The following KIAA0753 variants were observed in gnomAD, a reference collection of about 807,000 sequenced individuals.
KIAA0753 encodes the protein KIAA0753.
In KIAA0753, 114 loss-of-function variants were observed where a neutral mutation model predicts 116.9. The ratio of observed to expected loss-of-function variants is 0.98; its 90% CI spans 0.84 to 1.14. The LOEUF (loss-of-function observed/expected upper bound fraction) is 1.14. Ranked by LOEUF, KIAA0753 falls within the 50% of genes most tolerant of loss-of-function variation. KIAA0753 has a pLI of 0.00. For synonymous variants in KIAA0753, 405 were observed against 413.1 expected, an observed-to-expected ratio of 0.98 and a Z score of 0.24; for missense variants, 1,156 against 1,172.4, an observed-to-expected ratio of 0.99 and a Z score of 0.20.
chr17:6,595,611 G>A (rs971495777), intron 15 of KIAA0753, among the ~76,000 whole-genome samples: 9 of 152,340 alleles, frequency 5.9e-5, no homozygotes, highest in Middle Eastern at 3.4e-3. Flanking sequence ...CTGGATTCTC[G>A]TTCTGGCTCT....
chr17:6,600,774 C>T (rs1597497833), intron 12 of KIAA0753, among the ~76,000 whole-genome samples: 1 of 152,124 alleles, frequency 6.6e-6, no homozygotes, highest in Non-Finnish European at 1.5e-5. Flanking sequence ...AAAAAAATAA[C>T]GGTTGTCATT....
At chr17:6,599,341 A>C in intron 13 of KIAA0753, 21 bp from the exon 14 acceptor site, 1 of 1,495,106 alleles carries the variant, frequency 6.7e-7, no homozygotes, top group Non-Finnish European at 9.3e-7. Context: ...AGACAAATAC[A>C]TTCATGGAGT....
At chr17:6,618,063 C>G (rs1348427844) in intron 7 of KIAA0753, among the ~76,000 whole-genome samples, 1 of 151,924 alleles carries the variant, frequency 6.6e-6, no homozygotes, top group Non-Finnish European at 1.5e-5. Context: ...GATCACGCCA[C>G]TGAACTCCAG....
intron 2 of KIAA0753, among the ~76,000 whole-genome samples, chr17:6,634,587 T>C (rs971590146): frequency 6.6e-6 from 1 of 152,106 alleles, no homozygotes; most frequent in Non-Finnish European, 1.5e-5. Flanking sequence ...CTAGGTGAGG[T>C]GTTCATTGTA....
chr17:6,584,985 GAGA>G (rs1053998607), intron 18 of KIAA0753, among the ~76,000 whole-genome samples: 6 of 152,020 alleles, frequency 3.9e-5, no homozygotes, highest in African/African-American at 1.2e-4. Flanking sequence ...GTTTTTTGTA[GAGA>G]AGAAGTCTCA....
At chr17:6,608,207 T>C (rs1970312302) in intron 10 of KIAA0753, 141 bp downstream of exon 10, 2 of 406,090 alleles carry the variant, frequency 4.9e-6, no homozygotes, top group East Asian at 3.8e-5. Flanking sequence ...CTACATTTTA[T>C]GTATTTATTC....
At chr17:6,596,369 G>C (rs1165779988) in intron 14 of KIAA0753, 26 bp from the exon 15 acceptor site, 2 of 1,162,712 alleles carry the variant, frequency 1.7e-6, no homozygotes, top group Non-Finnish European at 2.4e-6. Context: ...GGGTGGGGAG[G>C]AGAGGCATGG....
intron 2 of KIAA0753, among the ~76,000 whole-genome samples, chr17:6,628,969 A>C (rs1391742805): frequency 1.3e-5 from 2 of 152,186 alleles, no homozygotes; most frequent in African/African-American, 4.8e-5. Context: ...CCTTCTGTTT[A>C]CTAATGTCAT....
rs1313223464 is a variant in KIAA0753 at position 6,599,265 on chromosome 17, T to C, written c.2144A>G (p.Asn715Ser). 1 of 1,613,952 alleles carries C rather than the reference T, an allele frequency of 6.2e-7. No individual in the cohort carries two copies. The highest frequency in any genetic ancestry group is 8.5e-7 in the Non-Finnish European group (1 of 1,179,842). The change falls in exon 14 of 19, where the codon AAC (asparagine) becomes AGC (serine). Residue 715 changes from asparagine (N) to serine (S), a missense_variant. Coordinates refer to ENST00000361413, the MANE Select transcript of KIAA0753 (RefSeq NM_014804.3). ...CTGTGCAGGCTGGGCTTTCGCTGTGTTTACTGACGAGCCATCTTTCAAATG... is the reference window on the plus strand; with the variant it reads ...CTGTGCAGGCTGGGCTTTCGCTGTGCTTACTGACGAGCCATCTTTCAAATG... ...NIHLKDGSSV[N>S]TAKAQPAQEV...
chr17:6,606,763 C>G, intron 12 of KIAA0753, 110 bp downstream of exon 12: 1 of 742,664 alleles, frequency 1.3e-6, no homozygotes. Context: ...GCTATTCATT[C>G]ATTCATGTAA....
chr17:6,600,316 A>G, intron 13 of KIAA0753, 64 bp downstream of exon 13: 1 of 1,271,626 alleles, frequency 7.9e-7, no homozygotes, highest in Non-Finnish European at 1.1e-6. Context: ...AGACCTCTGC[A>G]GCAACTCATT....
chr17:6,610,044 C>T lies in KIAA0753; in HGVS notation c.1662G>A (p.Lys554=). ...KMNRQPVKDR[K]APWIPPNPTS... ...TGGGGTTTGGGGGTATCCATGGTGC[C>T]TTGCGGTCTTTCACAGGCTGCCGGT... The change falls in exon 9 of 19, where the codon AAG becomes AAA. Residue 554 remains lysine, a synonymous_variant. Coordinates refer to ENST00000361413, the MANE Select transcript of KIAA0753 (RefSeq NM_014804.3). The T allele has an allele frequency of 6.2e-7, 1 of 1,614,112 alleles. No homozygotes were observed. The highest frequency in any genetic ancestry group is 8.5e-7 in the Non-Finnish European group (1 of 1,180,016).
intron 18 of KIAA0753, among the ~76,000 whole-genome samples, chr17:6,587,005 C>T (rs1325186107): frequency 6.6e-6 from 1 of 152,038 alleles, no homozygotes; most frequent in Non-Finnish European, 1.5e-5. Context: ...GAGGCTGAGG[C>T]GGGTGGATCA....
At chr17:6,596,123 TA>T in intron 15 of KIAA0753, 34 bp downstream of exon 15, 1 of 1,599,762 alleles carries the variant, frequency 6.3e-7, no homozygotes. Flanking sequence ...GGCCAGCCCC[TA>T]GCAGCGAACC....
chr17:6,640,098 T>G (rs1397439543), intron 1 of KIAA0753: 2 of 152,728 alleles, frequency 1.3e-5, no homozygotes, highest in Non-Finnish European at 2.9e-5. Flanking sequence ...GACGGCCCTG[T>G]GGCCTTTCTG....
intron 16 of KIAA0753, among the ~76,000 whole-genome samples, chr17:6,592,735 C>T (rs1404463776): frequency 6.6e-6 from 1 of 152,170 alleles, no homozygotes; most frequent in Admixed American, 6.5e-5. Context: ...ACAAGAGAAT[C>T]TCTTCCCACT....
At position 6,610,112 on chromosome 17, in the gene KIAA0753, T is replaced by G. The variant is rs1206700510; in HGVS notation, c.1594A>C (p.Ser532Arg). ...GAAACTGTTGTCTGCTGCACTCTGC[T>G]TTTACTGTGAGGTTGGCTTTGTCTA... ...RGRQSQPHSK[S>R]RVQQTTVSSR... The change falls in exon 9 of 19, where the codon AGC (serine) becomes CGC (arginine). Residue 532 changes from serine (S) to arginine (R), a missense_variant. By Grantham distance (110) the Ser-to-Arg change is moderately radical (BLOSUM62 -1). Transcript: ENST00000361413. The G allele has an allele frequency of 6.2e-7, 1 of 1,614,014 alleles. No homozygotes were observed. The highest frequency in any genetic ancestry group is 1.3e-5 in the African/African-American group (1 of 74,896).
intron 7 of KIAA0753, among the ~76,000 whole-genome samples, chr17:6,613,343 C>A (rs1350878385): frequency 6.6e-6 from 1 of 151,892 alleles, no homozygotes. Context: ...CAGTTCTCCC[C>A]CAAAATAATC....
At chr17:6,597,768 T>C (rs1969582831) in intron 14 of KIAA0753, among the ~76,000 whole-genome samples, 5 of 152,226 alleles carry the variant, frequency 3.3e-5, no homozygotes. Flanking sequence ...GAGAGCTGTA[T>C]TTTACTTGCA....
Sources: allele counts gnomAD v4.1 joint callset (sites outside exome capture counted in the v4.1 genomes callset), GRCh38; gene constraint gnomAD v4.1.1; transcripts MANE v1.5; gene names NCBI Gene and HGNC (gene_info 2026-07-23, HGNC 2026-07-21).